The following TP53I13 variants were observed in gnomAD, a reference collection of about 807,000 sequenced individuals.
TP53I13 encodes the protein tumor protein p53-inducible protein 13.
In TP53I13, 27 loss-of-function variants were observed where a neutral mutation model predicts 39.1. That is an observed-to-expected ratio of 0.69 (90% confidence interval 0.51 to 0.95). The LOEUF is 0.95. Ranked by LOEUF, TP53I13 falls within the 40% of genes least tolerant of loss-of-function variation. The probability of loss-of-function intolerance (pLI) is 0.00; values close to 1 mark genes in which losing one functional copy is unlikely to be tolerated. For synonymous variants in TP53I13, 230 were observed against 224.6 expected (o/e 1.02, Z -0.22); for missense variants, 544 against 520.4 (o/e 1.05, Z -0.44).
downstream of TP53I13, chr17:29,577,561 G>A (rs958849435): frequency 3.3e-6 from 3 of 904,796 alleles, no homozygotes; most frequent in Admixed American, 5.2e-5. Context: ...TGGAGAGCTG[G>A]CTCAGGCCCC....
rs200462612 is a variant in TP53I13 at position 29,571,941 on chromosome 17, C to T, written c.397C>T (p.Arg133Trp). Reference sequence around the variant, plus strand: ...GGCTGCCCACTGGCTGATGAGGAGGCGGAGGAGGAAGCAGAGGAAGAAGAA... The same window carrying T: ...GGCTGCCCACTGGCTGATGAGGAGGTGGAGGAGGAAGCAGAGGAAGAAGAA... ...AWAAHWLMRRRRRKQRKKKAW... is the reference protein window; with the variant it reads ...AWAAHWLMRRWRRKQRKKKAW... The change falls in exon 5 of 7, where the codon CGG becomes TGG. Residue 133 changes from arginine (R) to tryptophan (W), a missense_variant. Physicochemically the swap from Arg to Trp is moderately radical, Grantham distance 101. Transcript: ENST00000301057. 86 of 1,613,056 alleles carry T rather than the reference C, an allele frequency of 5.3e-5. No individual in the cohort carries two copies. The African/African-American group carries it at 7.6e-4, about 14-fold the overall frequency.
chr17:29,573,030 G>A lies in TP53I13; in HGVS notation c.*106G>A. On this transcript the variant is annotated 3_prime_UTR_variant, in exon 7 of 7. Coordinates refer to ENST00000301057, the MANE Select transcript of TP53I13 (RefSeq NM_138349.4). ...GGGCGCTCCCTGGTGGCGATGGCGC[G>A]GCACTGGCCGAGCACTGCGGGGGCT... The A allele has an allele frequency of 1.1e-6, 1 of 934,206 alleles. No individual in the cohort carries two copies. The highest frequency in any genetic ancestry group is 2.6e-5 in the South Asian group (1 of 38,962). 57.9% of individuals were successfully genotyped at this position (934,206 alleles called of 1,614,324 possible).
At chr17:29,575,653 C>G, downstream of TP53I13, 1 of 1,612,298 alleles carries the variant, frequency 6.2e-7, no homozygotes, top group Non-Finnish European at 8.5e-7. The surrounding 1 kb of genome is among the most constrained non-coding windows in gnomAD (Gnocchi z 5.5). Context: ...CCCCACTTTG[C>G]GTGTTCTCAT....
Position 29,571,686 on chromosome 17 carries a change from C to T in TP53I13, c.279C>T (p.Ser93=). The change falls in exon 4 of 7, where the codon TCC becomes TCT. Residue 93 remains serine (S), a synonymous_variant. Transcript: ENST00000301057. ...CCTATGCTTGTATGGCTAACCCTTC[C>T]CTCACCCCTGACTTCAGCCTCACGC... is the stretch of plus-strand genomic sequence containing the variant. The part of the protein sequence containing the change: ...LLAYACMANP[S]LTPDFSLTQD... 1.2e-6 allele frequency: 2 copies of T among 1,614,198 alleles called. No individual in the cohort carries two copies. The highest frequency in any genetic ancestry group is 1.7e-6 in the Non-Finnish European group (2 of 1,180,044).
rs781641974 is a variant in TP53I13 at position 29,569,286 on chromosome 17, T to C, written c.142-32T>C. ...CCACACACACACGGAGTCCCCCAAC[T>C]GCCCTAAGCTCTGTTCTTTCCCCAT... On this transcript the variant is annotated intron_variant, in intron 2 of 6. Transcript: ENST00000301057. The C allele has an allele frequency of 2.5e-6, 4 of 1,610,674 alleles. No individual in the cohort carries two copies. The South Asian group carries it at 4.4e-5, about 18-fold the overall frequency.
chr17:29,579,710 G>A, the TP53I13 span, among the ~76,000 whole-genome samples: 2 of 151,386 alleles, frequency 1.3e-5, no homozygotes, highest in African/African-American at 4.9e-5. Flanking sequence ...GCAACAGAGC[G>A]AGACCCCAAC....
At position 29,572,129 on chromosome 17, in the gene TP53I13, C is replaced by T. The variant is rs1312761498; in HGVS notation, c.514-13C>T. ...AGGGGCAGCAGGGTGATTGCTCTCT[C>T]TCCTCTCCTTAGGCCCTGGCTCTGG... On this transcript the variant is annotated splice_polypyrimidine_tract_variant and intron_variant, in intron 5 of 6. Coordinates refer to ENST00000301057, the MANE Select transcript of TP53I13 (RefSeq NM_138349.4). 5.0e-6 allele frequency: 8 copies of T among 1,609,434 alleles called. No individual in the cohort carries two copies. Among genetic ancestry groups the T allele is most frequent in the Non-Finnish European group, 5.9e-6 (7 of 1,177,492 alleles).
Position 29,572,643 on chromosome 17 carries a change from C to T in TP53I13, c.1015C>T (p.Arg339Cys), listed in dbSNP as rs1340779729. ...CACACGGCTGCACAGAAACTTCCGA[C>T]GCGGGGAGAGCATCTACTGGGGGCC... Reference protein sequence around the residue: ...LCTRLHRNFRRGESIYWGPTA... With the variant: ...LCTRLHRNFRCGESIYWGPTA... Residue 339 changes from arginine to cysteine, a missense_variant, in exon 6 of 7, where the codon CGC becomes TGC. By Grantham distance (180) the Arg-to-Cys change is radical. Transcript: ENST00000301057. 5.0e-6 allele frequency: 8 copies of T among 1,585,128 alleles called. No individual in the cohort carries two copies. The African/African-American group carries it at 5.4e-5, about 11-fold the overall frequency.
chr17:29,576,184 C>T, downstream of TP53I13: 2 of 1,608,638 alleles, frequency 1.2e-6, no homozygotes, highest in Non-Finnish European at 1.7e-6. Flanking sequence ...CAGCCCCACC[C>T]ATCTCCCCAC....
the TP53I13 span, chr17:29,581,075 G>C: frequency 1.9e-6 from 1 of 526,508 alleles, no homozygotes; most frequent in Non-Finnish European, 3.4e-6. The surrounding 1 kb of genome is among the most constrained non-coding windows in gnomAD (Gnocchi z 4.8). Context: ...CACCGCGCCC[G>C]GCCCACAGGT....
the TP53I13 span, chr17:29,582,076 C>G: frequency 5.0e-6 from 8 of 1,608,196 alleles, no homozygotes; most frequent in South Asian, 6.6e-5. Flanking sequence ...AGAAGTTGGC[C>G]TGGGCACCCA....
upstream of TP53I13, chr17:29,566,305 T>C (rs754831242): frequency 1.2e-6 from 2 of 1,611,594 alleles, no homozygotes; most frequent in African/African-American, 2.7e-5. Context: ...GAAGCGGATG[T>C]ATGTGACCGC....
At chr17:29,566,979 G>C, upstream of TP53I13, 4 of 1,311,258 alleles carry the variant, frequency 3.1e-6, no homozygotes, top group South Asian at 9.0e-5. Context: ...CGAAGCTGGA[G>C]AGCCCCGGCG....
At chr17:29,570,118 G>A (rs1381929497) in intron 3 of TP53I13, among the ~76,000 whole-genome samples, 2 of 148,152 alleles carry the variant, frequency 1.3e-5, no homozygotes, top group African/African-American at 5.0e-5. Flanking sequence ...TGTTGCCCAC[G>A]CTGGTCTTGA....
chr17:29,578,241 G>C, the TP53I13 span: 17 of 1,369,512 alleles, frequency 1.2e-5, no homozygotes, highest in Non-Finnish European at 1.7e-5. Flanking sequence ...AAGGACCAGA[G>C]ACCCATGCCT....
intron 3 of TP53I13, among the ~76,000 whole-genome samples, chr17:29,570,230 A>G (rs1372610026): frequency 1.3e-4 from 17 of 135,450 alleles, no homozygotes; most frequent in Non-Finnish European, 1.9e-4. Flanking sequence ...TAAATTGGCC[A>G]GGCATGGTGG....
At chr17:29,571,379 C>T (rs2032914067) in intron 3 of TP53I13, 1 of 595,444 alleles carries the variant, frequency 1.7e-6, no homozygotes. Context: ...AAGGGTGGCA[C>T]TTGATGGAGA....
At chr17:29,566,681 C>G (rs758796085), upstream of TP53I13, 23 of 1,592,782 alleles carry the variant, frequency 1.4e-5, no homozygotes, top group Non-Finnish European at 1.9e-5. Flanking sequence ...GAGCGCGGGC[C>G]GGCCTCCAGC....
downstream of TP53I13, chr17:29,577,789 C>CA: frequency 8.4e-7 from 1 of 1,190,354 alleles, no homozygotes; most frequent in Middle Eastern, 1.9e-4. Flanking sequence ...GCCAGGCCCC[C>CA]AAGGTGGGGG....
Sources: allele counts gnomAD v4.1 joint callset (sites outside exome capture counted in the v4.1 genomes callset), GRCh38; gene constraint gnomAD v4.1.1; non-coding constraint Gnocchi (gnomAD v3.1); transcripts MANE v1.5; gene names NCBI Gene and HGNC (gene_info 2026-07-23, HGNC 2026-07-21).